CRYL1: variants seen among roughly 807,000 people sequenced by gnomAD.
CRYL1 encodes the protein crystallin lambda 1.
In CRYL1, 29 loss-of-function variants were observed where a neutral mutation model predicts 36.6. The ratio of observed to expected loss-of-function variants is 0.79; its 90% confidence interval spans 0.59 to 1.08. The LOEUF is 1.08. CRYL1 is among the 50% of genes least tolerant of loss of function. The pLI is 0.00. For missense variants in CRYL1, 411 were observed against 407.9 expected (o/e 1.01, Z -0.06); for synonymous variants, 152 against 151.5 (o/e 1.00, Z -0.02).
At chr13:20,496,782 C>CTGCAGTGAGCAGAGATCAT (rs536835880) in intron 2 of CRYL1, among the ~76,000 whole-genome samples, 172 of 145,988 alleles carry the variant, frequency 1.2e-3, no homozygotes, top group African/African-American at 4.2e-3. Flanking sequence ...GAGGTGGAGG[C>CTGCAGTGAGCAGAGATCAT]TGCAGTGAGC....
At chr13:20,430,978 C>G (rs900734203) in intron 5 of CRYL1, 2 of 985,308 alleles carry the variant, frequency 2.0e-6, no homozygotes, top group African/African-American at 3.5e-5. Context: ...AGCACTGTTT[C>G]TTGAAAATAC....
chr13:20,508,862 A>C (rs1383616820), intron 2 of CRYL1, among the ~76,000 whole-genome samples: 2 of 54,498 alleles, frequency 3.7e-5, no homozygotes, highest in Non-Finnish European at 8.7e-5. Context: ...AAAAAAAAAA[A>C]AAAAAAAAAA....
chr13:20,477,266 G>A (rs997232261), intron 3 of CRYL1, among the ~76,000 whole-genome samples: 9 of 152,114 alleles, frequency 5.9e-5, no homozygotes, highest in African/African-American at 2.2e-4. Context: ...AGTTCAAGAC[G>A]TCAGTGAGCT....
Position 20,404,719 on chromosome 13 carries a change from T to A in CRYL1, c.762A>T (p.Arg254Ser). Residue 254 changes from arginine (R) to serine (S), a missense_variant, in exon 7 of 8, where the codon AGA becomes AGT. Physicochemically the swap from Arg to Ser is moderately radical, Grantham distance 110. Transcript: ENST00000298248. Reference protein sequence around the residue: ...NAEGMLSYCDRYSEGIKHVLQ... With the variant: ...NAEGMLSYCDSYSEGIKHVLQ... ...GGACATGTTTTATGCCTTCGCTGTA[T>A]CTGTCGCAGTAGCTTAACATACCTG... 1 of 1,613,246 alleles carries A rather than the reference T, an allele frequency of 6.2e-7. No homozygotes were observed. The highest frequency in any genetic ancestry group is 8.5e-7 in the Non-Finnish European group (1 of 1,179,192).
At chr13:20,500,312 T>C (rs374597875) in intron 2 of CRYL1, among the ~76,000 whole-genome samples, 1 of 152,260 alleles carries the variant, frequency 6.6e-6, no homozygotes, top group African/African-American at 2.4e-5. Context: ...CATATTTCTC[T>C]AATTTATCCA....
intron 5 of CRYL1, among the ~76,000 whole-genome samples, chr13:20,422,502 A>G (rs752861288): frequency 1.3e-5 from 2 of 152,232 alleles, no homozygotes; most frequent in Non-Finnish European, 2.9e-5. Context: ...ATTACAAGGT[A>G]CAAACGTGCT....
intron 4 of CRYL1, among the ~76,000 whole-genome samples, chr13:20,436,570 C>T (rs1032216820): frequency 3.3e-5 from 5 of 152,170 alleles, no homozygotes; most frequent in Non-Finnish European, 7.4e-5. Context: ...GGCCCAGCCT[C>T]TTCCTGGGCC....
chr13:20,499,188 A>C (rs7337227), intron 2 of CRYL1, among the ~76,000 whole-genome samples: 1 of 151,864 alleles, frequency 6.6e-6, no homozygotes, highest in Non-Finnish European at 1.5e-5. Flanking sequence ...TACCCAAAAA[A>C]TACAAAAATT....
At chr13:20,476,669 GTCC>G (rs917752708) in intron 3 of CRYL1, among the ~76,000 whole-genome samples, 3 of 152,210 alleles carry the variant, frequency 2.0e-5, no homozygotes, top group Admixed American at 1.3e-4. Context: ...TTCTGCAGGT[GTCC>G]CTTACTTTTC....
intron 5 of CRYL1, chr13:20,430,904 A>C: frequency 1.0e-6 from 1 of 985,392 alleles, no homozygotes; most frequent in Non-Finnish European, 1.2e-6. Context: ...AAATACCTTG[A>C]CACTGACTGA....
intron 5 of CRYL1, chr13:20,430,348 G>A (rs1030694419): frequency 1.0e-6 from 1 of 985,250 alleles, no homozygotes; most frequent in Non-Finnish European, 1.2e-6. Context: ...CCAGGCATCT[G>A]AGTCCCACAG....
intron 1 of CRYL1, 120 bp from the exon 2 acceptor site, chr13:20,512,670 T>C (rs554467116): frequency 3.0e-6 from 2 of 661,636 alleles, no homozygotes; most frequent in South Asian, 2.0e-5. Context: ...ATTCAATACA[T>C]ATCTTAAAAG....
At chr13:20,488,066 C>T (rs2033435676) in intron 3 of CRYL1, among the ~76,000 whole-genome samples, 1 of 152,042 alleles carries the variant, frequency 6.6e-6, no homozygotes, top group African/African-American at 2.4e-5. Context: ...CACACCACTG[C>T]ACTCCAGCCT....
In CRYL1 at chr13:20,420,704, TGTGTGTGTGTG is replaced by T. The variant is rs2031784819; in HGVS notation, c.634-7328_634-7318del. ...TGACTTTTCTTTAAAATAGAGGTTGTGTGTGTGTGTGTGTGTGTGTGTGTGTGTGTGTGTGT... is the reference window on the plus strand; with the variant it reads ...TGACTTTTCTTTAAAATAGAGGTTGTTGTGTGTGTGTGTGTGTGTGTGTGT... On this transcript the variant is annotated intron_variant, in intron 5 of 7. Transcript: ENST00000298248. 1.6e-4 allele frequency among the ~76,000 whole-genome samples: 18 copies of T among 109,486 alleles called. 3 individuals carry two copies. The highest frequency in any genetic ancestry group is 5.2e-4 in the African/African-American group (15 of 29,078). 71.8% of individuals were successfully genotyped at this position (109,486 alleles called of 152,430 possible). A position where few individuals can be genotyped will look rare whatever the true frequency, so the allele number is the denominator to read the frequency against.
At chr13:20,477,752 A>G (rs1337081919) in intron 3 of CRYL1, among the ~76,000 whole-genome samples, 1 of 146,180 alleles carries the variant, frequency 6.8e-6, no homozygotes, top group Non-Finnish European at 1.5e-5. Context: ...ATTATTTTGT[A>G]TACTAGATAA....
chr13:20,515,458 T>A (rs2033983516), intron 1 of CRYL1, among the ~76,000 whole-genome samples: 1 of 152,022 alleles, frequency 6.6e-6, no homozygotes, highest in Non-Finnish European at 1.5e-5. Context: ...TAATAATAAT[T>A]AATAATAATA....
At chr13:20,485,860 C>T (rs1593478858) in intron 3 of CRYL1, among the ~76,000 whole-genome samples, 1 of 151,966 alleles carries the variant, frequency 6.6e-6, no homozygotes, top group African/African-American at 2.4e-5. Context: ...GAAATCCAAA[C>T]CCTTTAGTTC....
chr13:20,469,710 T>C (rs1593466472), intron 3 of CRYL1, among the ~76,000 whole-genome samples: 1 of 152,332 alleles, frequency 6.6e-6, no homozygotes, highest in East Asian at 1.9e-4. Flanking sequence ...CAACGTTTAA[T>C]TTCTTCCTAT....
chr13:20,413,871 A>G (rs369357821), intron 5 of CRYL1, among the ~76,000 whole-genome samples: 2 of 152,170 alleles, frequency 1.3e-5, no homozygotes, highest in South Asian at 4.1e-4. Context: ...ACAAAACTAT[A>G]ATATTATCAT....
Sources: gnomAD v4.1 joint callset for allele counts (sites outside exome capture counted in the v4.1 genomes callset) on GRCh38, gnomAD v4.1.1 for gene constraint, MANE v1.5 for transcripts, NCBI Gene and HGNC (gene_info 2026-07-23, HGNC 2026-07-21) for gene names.